Variants in CYP2A6 observed in about 807,000 individuals in gnomAD.
The protein encoded by CYP2A6 is cytochrome P450 family 2 subfamily A member 6.
Under a neutral mutation model 42.3 loss-of-function variants are expected in CYP2A6, and 27 were observed. The observed-to-expected ratio is 0.64, with a 90% CI of 0.47 to 0.88. The LOEUF (loss-of-function observed/expected upper bound fraction) is 0.88. Among genes scored for constraint, CYP2A6 ranks in the 40% least tolerant of loss-of-function variants. CYP2A6 has a pLI of 0.00. For synonymous variants in CYP2A6, 238 were observed against 246.3 expected, an observed-to-expected ratio of 0.97 and a Z score of 0.31; for missense variants, 628 against 646.0, an observed-to-expected ratio of 0.97 and a Z score of 0.30.
chr19:40,846,383 G>T (rs1967100215), intron 5 of CYP2A6, among the ~76,000 whole-genome samples: 1 of 148,556 alleles, frequency 6.7e-6, no homozygotes, highest in African/African-American at 2.5e-5. Context: ...ACTTGGTCTT[G>T]CTAAGTTGCA....
At chr19:40,848,987 G>GAGAA (rs1555783036) in intron 2 of CYP2A6, among the ~76,000 whole-genome samples, 1 of 90,044 alleles carries the variant, frequency 1.1e-5, no homozygotes, top group African/African-American at 5.3e-5. Flanking sequence ...AAGAGAGAGA[G>GAGAA]GAGAGAGAGA....
chr19:40,848,919 C>T (rs1330270156), intron 2 of CYP2A6, among the ~76,000 whole-genome samples, 156 bp from the exon 3 acceptor site: 1 of 135,966 alleles, frequency 7.4e-6, no homozygotes, highest in Non-Finnish European at 1.5e-5. Context: ...CAAACTCAGT[C>T]AGAGAAACAC....
chr19:40,844,778 A>G lies in CYP2A6; in HGVS notation c.1162-6T>C. ...ATAGGGTACACTTCGGTGCCCTGGT[A>G]GGGAGGAGGAAGTTGTGTGTGATGA... On this transcript the variant is annotated splice_polypyrimidine_tract_variant and splice_region_variant and intron_variant, in intron 7 of 8. Coordinates refer to ENST00000301141, the MANE Select transcript of CYP2A6 (RefSeq NM_000762.6). The G allele has an allele frequency of 6.2e-7, 1 of 1,608,542 alleles. No homozygotes were observed.
chr19:40,847,303 G>A (rs995528966), intron 4 of CYP2A6, among the ~76,000 whole-genome samples: 9 of 151,578 alleles, frequency 5.9e-5, no homozygotes, highest in African/African-American at 2.2e-4. Flanking sequence ...TTTAAACGAG[G>A]CTGGATTGGA....
At position 40,846,821 on chromosome 19, in the gene CYP2A6, C is replaced by T. The variant is rs572110543; in HGVS notation, c.831+54G>A. 2.3e-4 allele frequency: 373 copies of T among 1,597,564 alleles called. 1 individual carries two copies. Among genetic ancestry groups the T allele is most frequent in the Non-Finnish European group, 3.0e-4 (350 of 1,171,636 alleles). On this transcript the variant is annotated intron_variant, in intron 5 of 8. Coordinates refer to ENST00000301141, the MANE Select transcript of CYP2A6 (RefSeq NM_000762.6). ...GTCATCTGCCTGCCCCACTCCCAGA[C>T]TGATTTCCCTCTGCCTGGCTTTGCA...
chr19:40,845,664 C>G (rs1245381036), intron 6 of CYP2A6, among the ~76,000 whole-genome samples, 183 bp from the exon 7 acceptor site: 1 of 151,410 alleles, frequency 6.6e-6, no homozygotes, highest in South Asian at 2.1e-4. Flanking sequence ...CCAGGTTGTG[C>G]CAGAATCACA....
chr19:40,844,070 G>A, intron 8 of CYP2A6, 93 bp from the exon 9 acceptor site: 2 of 1,486,040 alleles, frequency 1.3e-6, no homozygotes, highest in Middle Eastern at 2.0e-4. Flanking sequence ...CTCCCAGGGA[G>A]GAAGGGTGGA....
rs1967201863 is a variant in CYP2A6, at chr19:40,850,445, G to C, written c.-19C>G. 6.2e-7 allele frequency: 1 copy of C among 1,602,336 alleles called. No individual in the cohort carries two copies. Among genetic ancestry groups the C allele is most frequent in the African/African-American group, 1.3e-5 (1 of 74,522 alleles). On this transcript the variant is annotated 5_prime_UTR_variant, in exon 1 of 9. In the 5' UTR this introduces an upstream ATG that the reference lacks. Coordinates refer to ENST00000301141, the MANE Select transcript of CYP2A6 (RefSeq NM_000762.6). Reference sequence around the variant, plus strand: ...CCAGCATGGTGGTAGTGGGATGATAGATGGTGACGGCTGGGGTGGTTTGCC... The same window carrying C: ...CCAGCATGGTGGTAGTGGGATGATACATGGTGACGGCTGGGGTGGTTTGCC...
intron 2 of CYP2A6, among the ~76,000 whole-genome samples, chr19:40,849,553 A>T (rs530757847): frequency 6.6e-6 from 1 of 151,332 alleles, no homozygotes; most frequent in East Asian, 2.0e-4. Flanking sequence ...GTCCTTAGAG[A>T]TGGAGAGAGA....
At position 40,845,439 on chromosome 19, in the gene CYP2A6, C is replaced by T. The variant is rs150247689; in HGVS notation, c.1016G>A (p.Arg339Gln). The T allele has an allele frequency of 1.3e-4, 213 of 1,611,708 alleles. 2 individuals carry two copies. Among genetic ancestry groups the T allele is most frequent in the African/African-American group, 3.2e-4 (24 of 74,686 alleles). ...EEIDRVIGKNRQPKFEDRAKM... is the reference protein window; with the variant it reads ...EEIDRVIGKNQQPKFEDRAKM... The stretch of plus-strand genomic sequence containing the variant: ...GGCCCGGTCCTCAAACTTGGGCTGC[C>T]GGTTCTTGCCGATCACTCTGTCAAT... Residue 339 changes from arginine (R) to glutamine (Q), a missense_variant, in exon 7 of 9, where the codon CGG (arginine) becomes CAG (glutamine). Transcript: ENST00000301141.
At chr19:40,845,271 TG>T (rs2083450114) in intron 7 of CYP2A6, 22 bp downstream of exon 7, 8 of 1,609,374 alleles carry the variant, frequency 5.0e-6, no homozygotes, top group Non-Finnish European at 6.8e-6. Context: ...CCCCGTAGTC[TG>T]GGGGGTGGGG....
intron 8 of CYP2A6, 54 bp from the exon 9 acceptor site, chr19:40,844,031 C>G (rs1239846509): frequency 6.6e-7 from 1 of 1,522,228 alleles, no homozygotes; most frequent in Non-Finnish European, 8.8e-7. Context: ...AGTGCAGCCT[C>G]GCCCCAGTAC....
rs571335587 is a variant in CYP2A6, at chr19:40,848,304, C to A, written c.569G>T (p.Arg190Leu). The A allele has an allele frequency of 4.5e-4, 731 of 1,611,882 alleles. 28 individuals are homozygous for A. The South Asian group carries it at 7.7e-3, about 17-fold the overall frequency. Residue 190 changes from arginine to leucine, a missense_variant, in exon 4 of 9, where the codon CGC (arginine) becomes CTC (leucine). This residue lies in a region of CYP2A6 where 606 missense variants were observed against 568.1 expected (regional missense o/e 1.07). Transcript: ENST00000301141. ...GAACTCTTTGTCCTTATAGTCAAAG[C>A]GGTCCCCAAAGACAATGGAGCTGAT... ...NVISSIVFGD[R>L]FDYKDKEFLS...
intron 4 of CYP2A6, 119 bp downstream of exon 4, chr19:40,848,100 A>C (rs1204072358): frequency 6.6e-7 from 1 of 1,524,610 alleles, no homozygotes; most frequent in Admixed American, 1.8e-5. Flanking sequence ...AATATCGGGG[A>C]CTGATTTTGA....
chr19:40,848,973 AG>A (rs1967157439), intron 2 of CYP2A6, among the ~76,000 whole-genome samples: 2 of 98,486 alleles, frequency 2.0e-5, no homozygotes, highest in Admixed American at 1.0e-4. Flanking sequence ...AGAGAGAGAG[AG>A]AGAAGAGAGA....
At chr19:40,844,414 A>G (rs2083445202) in intron 8 of CYP2A6, among the ~76,000 whole-genome samples, 1 of 151,316 alleles carries the variant, frequency 6.6e-6, no homozygotes, top group Non-Finnish European at 1.5e-5. Context: ...CCCTAGAGAA[A>G]TACATCTACG....
chr19:40,849,087 A>G (rs1194993780), intron 2 of CYP2A6, among the ~76,000 whole-genome samples: 9 of 146,906 alleles, frequency 6.1e-5, no homozygotes, highest in African/African-American at 7.7e-5. Context: ...AGAGAGAGAG[A>G]GACCAGGTTT....
intron 7 of CYP2A6, 119 bp from the exon 8 acceptor site, chr19:40,844,891 G>A: frequency 7.5e-7 from 1 of 1,336,654 alleles, no homozygotes; most frequent in Non-Finnish European, 1.0e-6. Context: ...GCATGGAGGA[G>A]TTGGGGTCCT....
At chr19:40,847,079 G>T in intron 4 of CYP2A6, 28 bp from the exon 5 acceptor site, 1 of 1,606,304 alleles carries the variant, frequency 6.2e-7, no homozygotes, top group Non-Finnish European at 8.5e-7. Flanking sequence ...GGATGGGAAG[G>T]GAAGGACAGC....
Sources: allele counts gnomAD v4.1 joint callset (sites outside exome capture counted in the v4.1 genomes callset), GRCh38; gene constraint gnomAD v4.1.1; regional missense constraint gnomAD v4.1.1; transcripts MANE v1.5; gene names NCBI Gene and HGNC (gene_info 2026-07-23, HGNC 2026-07-21).